Variants in RAB28 observed in about 807,000 individuals in gnomAD.
RAB28 encodes ras-related protein Rab-28.
In RAB28, 24 loss-of-function variants were observed where a neutral mutation model predicts 31.7. That is an observed-to-expected ratio of 0.76 (90% confidence interval 0.55 to 1.06). RAB28 has a LOEUF of 1.06. Among genes scored for constraint, RAB28 ranks in the 50% least tolerant of loss-of-function variants. The pLI is 0.00. For missense variants in RAB28, 254 were observed against 258.5 expected (o/e 0.98, Z 0.12); for synonymous variants, 100 against 90.4 (o/e 1.11, Z -0.60).
chr4:13,379,669 G>A (rs543474041), intron 5 of RAB28, among the ~76,000 whole-genome samples: 51 of 152,114 alleles, frequency 3.4e-4, no homozygotes, highest in Non-Finnish European at 5.6e-4. Flanking sequence ...TGATTAGGAT[G>A]CCTGATACTG....
Position 13,415,491 on chromosome 4 carries a change from G to T in RAB28, c.392-33897C>A, listed in dbSNP as rs370102877. Among the ~76,000 whole-genome samples the T allele has an allele frequency of 2.6e-5, 4 of 152,288 alleles. No individual in the cohort carries two copies. The East Asian group carries it at 5.8e-4, about 22-fold the overall frequency. ...GGGCTCAGCGGGCTGCACTCAGAGCGCCCGGCCAGCCCTGCCGGCCCGGGC... is the reference window on the plus strand; with the variant it reads ...GGGCTCAGCGGGCTGCACTCAGAGCTCCCGGCCAGCCCTGCCGGCCCGGGC... On this transcript the variant is annotated intron_variant, in intron 4 of 6. Transcript: ENST00000330852.
In RAB28 at chr4:13,395,991, T is replaced by TA. The variant is rs1241160465; in HGVS notation, c.392-14398dup. Reference sequence around the variant, plus strand: ...GGAATATATTATCAATTAATTGTATTATTAATGTCTACTTGCTGTCGATGG... The same window carrying TA: ...GGAATATATTATCAATTAATTGTATTAATTAATGTCTACTTGCTGTCGATGG... On this transcript the variant is annotated intron_variant, in intron 4 of 6. Transcript: ENST00000330852. Among the ~76,000 whole-genome samples, 3 of 152,172 alleles carry TA rather than the reference T, an allele frequency of 2.0e-5. No individual in the cohort carries two copies. The East Asian group carries it at 5.8e-4, about 29-fold the overall frequency.
intron 4 of RAB28, among the ~76,000 whole-genome samples, chr4:13,420,398 C>T (rs967175112): frequency 6.6e-6 from 1 of 152,200 alleles, no homozygotes; most frequent in Non-Finnish European, 1.5e-5. Context: ...TGCTCCCTAA[C>T]TCATTTTATG....
intron 4 of RAB28, among the ~76,000 whole-genome samples, chr4:13,387,193 T>A (rs911174830): frequency 6.6e-6 from 1 of 152,000 alleles, no homozygotes; most frequent in African/African-American, 2.4e-5. Context: ...CAAACTCTCA[T>A]GACACAAGTG....
At chr4:13,471,420 A>C (rs1050913542) in intron 3 of RAB28, among the ~76,000 whole-genome samples, 14 of 152,218 alleles carry the variant, frequency 9.2e-5, no homozygotes, top group African/African-American at 3.4e-4. Context: ...AAAATAGACC[A>C]CTGGTCAATG....
At chr4:13,444,661 A>G (rs1267606678) in intron 4 of RAB28, among the ~76,000 whole-genome samples, 2 of 152,218 alleles carry the variant, frequency 1.3e-5, no homozygotes, top group African/African-American at 4.8e-5. Context: ...TCTTGCCAAT[A>G]CTTACCTTTT....
chr4:13,419,027 A>AT (rs1176695220), intron 4 of RAB28, among the ~76,000 whole-genome samples: 1 of 152,242 alleles, frequency 6.6e-6, no homozygotes, highest in Non-Finnish European at 1.5e-5. Flanking sequence ...AGAGACACAC[A>AT]TAGGCTCAAA....
intron 4 of RAB28, among the ~76,000 whole-genome samples, chr4:13,457,166 G>A (rs1033616525): frequency 2.6e-5 from 4 of 152,162 alleles, no homozygotes; most frequent in Admixed American, 2.0e-4. Flanking sequence ...CTATGTTTAT[G>A]TAATGAGTAT....
intron 3 of RAB28, among the ~76,000 whole-genome samples, chr4:13,465,760 C>T (rs1198477885): frequency 6.7e-6 from 1 of 150,230 alleles, no homozygotes; most frequent in African/African-American, 2.5e-5. Context: ...CATGAACACA[C>T]ACACACACAC....
At chr4:13,376,085 T>C (rs1728911238) in intron 6 of RAB28, among the ~76,000 whole-genome samples, 1 of 152,150 alleles carries the variant, frequency 6.6e-6, no homozygotes, top group African/African-American at 2.4e-5. Context: ...GTTTTTTTCT[T>C]AGCCTAAGAA....
chr4:13,371,001 T>G (rs1239941077), intron 6 of RAB28: 5 of 984,166 alleles, frequency 5.1e-6, no homozygotes, highest in Non-Finnish European at 6.0e-6. Flanking sequence ...TGATTGCAAA[T>G]AACTTATTTC....
intron 4 of RAB28, among the ~76,000 whole-genome samples, chr4:13,403,404 T>G (rs1711892669): frequency 6.6e-6 from 1 of 152,214 alleles, no homozygotes; most frequent in Non-Finnish European, 1.5e-5. Context: ...CTATAGCTCT[T>G]GTGAAAAATC....
intron 3 of RAB28, 128 bp from the exon 4 acceptor site, chr4:13,460,956 T>A: frequency 1.2e-6 from 1 of 838,086 alleles, no homozygotes. Flanking sequence ...GTTTTATATA[T>A]AAACTTCCAT....
At chr4:13,469,590 T>C in intron 3 of RAB28, among the ~76,000 whole-genome samples, 1 of 152,056 alleles carries the variant, frequency 6.6e-6, no homozygotes. Context: ...TTATATAATG[T>C]TAGTTTATAT....
chr4:13,475,675 A>C (rs1012011740), intron 2 of RAB28, among the ~76,000 whole-genome samples: 1 of 148,994 alleles, frequency 6.7e-6, no homozygotes, highest in Admixed American at 6.6e-5. Flanking sequence ...ATGAGCGCTA[A>C]TGTTTTATCA....
At chr4:13,413,814 A>C (rs1397420277) in intron 4 of RAB28, among the ~76,000 whole-genome samples, 1 of 152,224 alleles carries the variant, frequency 6.6e-6, no homozygotes, top group Non-Finnish European at 1.5e-5. Flanking sequence ...TAAAATGTTC[A>C]GACCCACAAA....
At chr4:13,369,588 C>A (rs534029147) in intron 6 of RAB28, among the ~76,000 whole-genome samples, 57 of 152,068 alleles carry the variant, frequency 3.7e-4, no homozygotes, top group Non-Finnish European at 7.2e-4. Context: ...ATAACTGCCT[C>A]AATTCTCCAC....
chr4:13,455,643 C>T (rs989756896), intron 4 of RAB28, among the ~76,000 whole-genome samples: 1 of 152,244 alleles, frequency 6.6e-6, no homozygotes, highest in Non-Finnish European at 1.5e-5. Flanking sequence ...GAGGAATGCA[C>T]ATCTTGTGCT....
chr4:13,403,861 T>C (rs1711920553), intron 4 of RAB28, among the ~76,000 whole-genome samples: 1 of 152,246 alleles, frequency 6.6e-6, no homozygotes, highest in Non-Finnish European at 1.5e-5. Flanking sequence ...AACATAGTTA[T>C]ACATGTATAA....
Sources: gnomAD v4.1 joint callset for allele counts (sites outside exome capture counted in the v4.1 genomes callset) on GRCh38, gnomAD v4.1.1 for gene constraint, MANE v1.5 for transcripts, NCBI Gene and HGNC (gene_info 2026-07-23, HGNC 2026-07-21) for gene names.